Variants in HTR5A observed in about 807,000 individuals in gnomAD.
HTR5A encodes the protein 5-hydroxytryptamine receptor 5A.
In HTR5A, 21 loss-of-function variants were observed where a neutral mutation model predicts 24.3. The ratio of observed to expected loss-of-function variants is 0.86; its 90% CI spans 0.61 to 1.24. HTR5A has a LOEUF of 1.24. Ranked by LOEUF, HTR5A falls within the 50% of genes most tolerant of loss-of-function variation. The pLI is 0.00. For synonymous variants in HTR5A, 260 were observed against 213.7 expected, an observed-to-expected ratio of 1.22 and a Z score of -1.89; for missense variants, 497 against 489.5, an observed-to-expected ratio of 1.02 and a Z score of -0.15.
rs11764694 is a variant in HTR5A, at chr7:155,073,201, G to A, written c.741+1561G>A. On this transcript the variant is annotated intron_variant, in intron 1 of 1. Transcript: ENST00000287907. ...CCAGGCGTGGTGGCAGGCGCCTGTAGTCCCAGCTACTCGGGAGGCTGAGGC... is the reference window on the plus strand; with the variant it reads ...CCAGGCGTGGTGGCAGGCGCCTGTAATCCCAGCTACTCGGGAGGCTGAGGC... 2.0e-5 allele frequency among the ~76,000 whole-genome samples: 3 copies of A among 151,886 alleles called. No homozygotes were observed. The South Asian group carries it at 6.3e-4, about 32-fold the overall frequency.
chr7:155,079,230 G>A (rs1484788703), intron 1 of HTR5A, among the ~76,000 whole-genome samples: 1 of 152,158 alleles, frequency 6.6e-6, no homozygotes, highest in Non-Finnish European at 1.5e-5. Flanking sequence ...TGGGATTACA[G>A]GCATGAGCCC....
In HTR5A at chr7:155,086,180, G is replaced by A. The variant is rs1795474728; in HGVS notation, c.*1693G>A. 6.6e-6 allele frequency among the ~76,000 whole-genome samples: 1 copy of A among 152,196 alleles called. No individual in the cohort carries two copies. The highest frequency in any genetic ancestry group is 1.5e-5 in the Non-Finnish European group (1 of 68,030). On this transcript the variant is annotated 3_prime_UTR_variant, in exon 2 of 2. Transcript: ENST00000287907. The stretch of plus-strand genomic sequence containing the variant: ...TTGTTTTCTAGTGTTTTGAATAAGG[G>A]AAGTGTTTGAATAAGGGAAGGGAAG...
intron 1 of HTR5A, among the ~76,000 whole-genome samples, chr7:155,078,303 T>G (rs1795379237): frequency 6.6e-6 from 1 of 152,234 alleles, no homozygotes; most frequent in African/African-American, 2.4e-5. Context: ...TATTTTTTCT[T>G]ATTAAATTCC....
At chr7:155,083,112 C>A (rs1795435954) in intron 1 of HTR5A, among the ~76,000 whole-genome samples, 1 of 152,080 alleles carries the variant, frequency 6.6e-6, no homozygotes, top group South Asian at 2.1e-4. Context: ...CCTTTCGAGT[C>A]CACTTTATAA....
At chr7:155,081,381 T>G (rs1024977664) in intron 1 of HTR5A, among the ~76,000 whole-genome samples, 3 of 152,196 alleles carry the variant, frequency 2.0e-5, no homozygotes, top group Non-Finnish European at 4.4e-5. Flanking sequence ...AAATAATTAT[T>G]TAGCATGCAA....
intron 1 of HTR5A, among the ~76,000 whole-genome samples, chr7:155,072,162 G>A (rs1314235781): frequency 2.0e-5 from 3 of 152,178 alleles, no homozygotes; most frequent in Non-Finnish European, 4.4e-5. Context: ...AATTACAGCA[G>A]CCGGTTTATT....
At chr7:155,074,381 C>T (rs1227266081) in intron 1 of HTR5A, among the ~76,000 whole-genome samples, 3 of 152,112 alleles carry the variant, frequency 2.0e-5, no homozygotes, top group South Asian at 2.1e-4. Context: ...GCTGTCTAGG[C>T]ACAGTTTGCC....
chr7:155,070,705 C>A lies in HTR5A; in HGVS notation c.-195C>A, dbSNP rs1426725670. The A allele has an allele frequency of 4.7e-6, 3 of 632,540 alleles. No homozygotes were observed. The highest frequency in any genetic ancestry group is 8.3e-6 in the Non-Finnish European group (3 of 363,630). 39.2% of individuals were successfully genotyped at this position (632,540 alleles called of 1,614,324 possible). A position where few individuals can be genotyped will look rare whatever the true frequency, so the allele number is the denominator to read the frequency against. On this transcript the variant is annotated 5_prime_UTR_variant, in exon 1 of 2. Coordinates refer to ENST00000287907, the MANE Select transcript of HTR5A (RefSeq NM_024012.4). ...TAGCCTCTGAGGGCTTCAGACCTGC[C>A]GCGCTTGCAGCCACACCATCTCCAA...
Position 155,085,768 on chromosome 7 carries a change from A to G in HTR5A, c.*1281A>G, listed in dbSNP as rs1442027595. On this transcript the variant is annotated 3_prime_UTR_variant, in exon 2 of 2. Coordinates refer to ENST00000287907, the MANE Select transcript of HTR5A (RefSeq NM_024012.4). ...ATCTCTGAATTATTGTAATTCATGT[A>G]GTATATTGTATATAATAAATTATAT... 6.6e-6 allele frequency: 1 copy of G among 152,232 alleles called. No individual in the cohort carries two copies. The highest frequency in any genetic ancestry group is 1.5e-5 in the Non-Finnish European group (1 of 68,046). The allele number at this position is 152,232 out of a possible 1,614,324, so 9.4% of individuals were successfully genotyped here.
intron 1 of HTR5A, among the ~76,000 whole-genome samples, chr7:155,079,701 A>G (rs1795395603): frequency 6.6e-6 from 1 of 152,246 alleles, no homozygotes; most frequent in Admixed American, 6.5e-5. Context: ...AATTCTTAAA[A>G]AAGAGGATTG....
intron 1 of HTR5A, chr7:155,077,257 A>G (rs1006725368): frequency 1.3e-5 from 2 of 152,206 alleles, no homozygotes; most frequent in Non-Finnish European, 2.9e-5. Flanking sequence ...TTAAAGAAGT[A>G]TTCTTTTGAT....
In HTR5A at chr7:155,070,731, C is replaced by A. The variant is rs1795279366; in HGVS notation, c.-169C>A. On this transcript the variant is annotated 5_prime_UTR_variant, in exon 1 of 2. Transcript: ENST00000287907. ...GCGCTTGCAGCCACACCATCTCCAACGGATGCTCACTAGCAGGAAATTGGG... is the reference window on the plus strand; with the variant it reads ...GCGCTTGCAGCCACACCATCTCCAAAGGATGCTCACTAGCAGGAAATTGGG... 4 of 715,990 alleles carry A rather than the reference C, an allele frequency of 5.6e-6. No homozygotes were observed. Among genetic ancestry groups the A allele is most frequent in the Non-Finnish European group, 7.0e-6 (3 of 426,470 alleles). 44.4% of individuals were successfully genotyped at this position (715,990 alleles called of 1,614,324 possible).
rs1436625736 is a variant in HTR5A, at chr7:155,073,887, A to ATGTG, written c.741+2250_741+2251insGTGT. On this transcript the variant is annotated intron_variant, in intron 1 of 1. Coordinates refer to ENST00000287907, the MANE Select transcript of HTR5A (RefSeq NM_024012.4). ...TGTGTATATATATATGTATATATAT[A>ATGTG]TGTATATATATATATATATATATAT... 1.0e-3 allele frequency among the ~76,000 whole-genome samples: 127 copies of ATGTG among 124,462 alleles called. 5 individuals are homozygous for ATGTG. The highest frequency in any genetic ancestry group is 4.3e-3 in the Middle Eastern group (1 of 230). 81.7% of individuals were successfully genotyped at this position (124,462 alleles called of 152,430 possible).
In HTR5A at chr7:155,084,214, C is replaced by T. The variant is rs750349786; in HGVS notation, c.801C>T (p.Thr267=). Residue 267 remains threonine, a synonymous_variant, in exon 2 of 2, where the codon ACC becomes ACT. Transcript: ENST00000287907. ...TCACGGTCCGCCACGCCACCGTCAC[C>T]TTCCAGCCAGAAGGGGACACGTGGC... ...MVFTVRHATV[T]FQPEGDTWRE... The T allele has an allele frequency of 1.2e-6, 2 of 1,614,100 alleles. No homozygotes were observed. The highest frequency in any genetic ancestry group is 1.7e-6 in the Non-Finnish European group (2 of 1,180,020).
At chr7:155,084,087 G>A in intron 1 of HTR5A, 68 bp from the exon 2 acceptor site, 1 of 1,271,224 alleles carries the variant, frequency 7.9e-7, no homozygotes, top group Non-Finnish European at 1.1e-6. Context: ...AGGCCTGTCA[G>A]TGTCCAGGCT....
At chr7:155,080,469 T>C (rs1795403523) in intron 1 of HTR5A, among the ~76,000 whole-genome samples, 1 of 152,128 alleles carries the variant, frequency 6.6e-6, no homozygotes, top group Non-Finnish European at 1.5e-5. Context: ...AAAGGGCAAT[T>C]GAGTTTGGGG....
chr7:155,075,131 TA>T, intron 1 of HTR5A, among the ~76,000 whole-genome samples: 1 of 152,360 alleles, frequency 6.6e-6, no homozygotes, highest in East Asian at 1.9e-4. Context: ...AGACTAAGTC[TA>T]AAACTTGTTC....
intron 1 of HTR5A, among the ~76,000 whole-genome samples, chr7:155,075,705 G>T (rs1795352299): frequency 6.6e-6 from 1 of 152,132 alleles, no homozygotes; most frequent in Non-Finnish European, 1.5e-5. Context: ...TAGCTATAGG[G>T]TAAACTCTTC....
chr7:155,084,631 C>T lies in HTR5A; in HGVS notation c.*144C>T, dbSNP rs531900860. 66 of 676,186 alleles carry T rather than the reference C, an allele frequency of 9.8e-5. No individual in the cohort carries two copies. Among genetic ancestry groups the T allele is most frequent in the Non-Finnish European group, 1.5e-4 (60 of 398,890 alleles). The allele number at this position is 676,186 out of a possible 1,614,324, so 41.9% of individuals were successfully genotyped here. ...GGGTCATCTTCAGAACTGCACTGGC[C>T]TCTTTTCCACCTCCTCAGTAGGAAT... On this transcript the variant is annotated 3_prime_UTR_variant, in exon 2 of 2. Coordinates refer to ENST00000287907, the MANE Select transcript of HTR5A (RefSeq NM_024012.4).
Sources: allele counts gnomAD v4.1 joint callset (sites outside exome capture counted in the v4.1 genomes callset), GRCh38; gene constraint gnomAD v4.1.1; transcripts MANE v1.5; gene names NCBI Gene and HGNC (gene_info 2026-07-23, HGNC 2026-07-21).